ZFYVE9: variants seen among roughly 807,000 people sequenced by gnomAD.
The protein encoded by ZFYVE9 is zinc finger FYVE-type containing 9.
Under a neutral mutation model 126.7 loss-of-function variants are expected in ZFYVE9, and 43 were observed. The ratio of observed to expected loss-of-function variants is 0.34; its 90% CI spans 0.27 to 0.44. ZFYVE9 has a LOEUF of 0.44. Ranked by LOEUF, ZFYVE9 falls within the 20% of genes least tolerant of loss-of-function variation. ZFYVE9 has a pLI of 1.00. For synonymous variants in ZFYVE9, 521 were observed against 597.4 expected (o/e 0.87, Z 1.87); for missense variants, 1,476 against 1,697.0 (o/e 0.87, Z 2.29).
At position 52,237,685 on chromosome 1, in the gene ZFYVE9, A is replaced by C. The variant is rs1309331390; in HGVS notation, c.268A>C (p.Asn90His). ...LTTEEEDHCANGQDCNLNPEI... is the reference protein window; with the variant it reads ...LTTEEEDHCAHGQDCNLNPEI... Reference sequence around the variant, plus strand: ...CACAGAGGAAGAGGATCACTGTGCTAATGGACAGGACTGTAATCTAAATCC... The same window carrying C: ...CACAGAGGAAGAGGATCACTGTGCTCATGGACAGGACTGTAATCTAAATCC... The change falls in exon 4 of 19, where the codon AAT (asparagine) becomes CAT (histidine). Residue 90 changes from asparagine (N) to histidine (H), a missense_variant. Physicochemically the swap from Asn to His is moderately conservative, Grantham distance 68. This residue lies in a region of ZFYVE9 where 807 missense variants were observed against 794.6 expected (regional missense o/e 1.02). Coordinates refer to ENST00000287727, the MANE Select transcript of ZFYVE9 (RefSeq NM_004799.4). 6.2e-7 allele frequency: 1 copy of C among 1,614,102 alleles called. No homozygotes were observed. Among genetic ancestry groups the C allele is most frequent in the Non-Finnish European group, 8.5e-7 (1 of 1,179,960 alleles).
intron 2 of ZFYVE9, among the ~76,000 whole-genome samples, chr1:52,229,400 T>G (rs1156462893): frequency 6.6e-6 from 1 of 152,250 alleles, no homozygotes; most frequent in African/African-American, 2.4e-5. Flanking sequence ...CTATATCTCT[T>G]CATTGTAAAC....
intron 2 of ZFYVE9, among the ~76,000 whole-genome samples, chr1:52,219,516 G>A (rs1645103062): frequency 6.6e-6 from 1 of 151,908 alleles, no homozygotes; most frequent in Non-Finnish European, 1.5e-5. Context: ...GTTGGTTCAA[G>A]CTTTCCTTCT....
intron 8 of ZFYVE9, among the ~76,000 whole-genome samples, chr1:52,274,943 A>G (rs140860511): frequency 2.0e-5 from 3 of 152,296 alleles, no homozygotes; most frequent in Non-Finnish European, 2.9e-5. Flanking sequence ...TTGAGGTATA[A>G]TATACATTCA....
chr1:52,243,748 A>G (rs1454906417), intron 4 of ZFYVE9, among the ~76,000 whole-genome samples: 1 of 151,800 alleles, frequency 6.6e-6, no homozygotes. Flanking sequence ...GACAGAGCTG[A>G]GACCCCATCT....
intron 10 of ZFYVE9, among the ~76,000 whole-genome samples, chr1:52,288,313 A>G (rs1341721447): frequency 6.6e-6 from 1 of 152,172 alleles, no homozygotes. Flanking sequence ...TTTGTTTAAG[A>G]GATAGAAGTC....
At chr1:52,332,692 G>A (rs1646353225) in intron 13 of ZFYVE9, 76 bp from the exon 14 acceptor site, 1 of 1,515,254 alleles carries the variant, frequency 6.6e-7, no homozygotes, top group African/African-American at 1.4e-5. Flanking sequence ...TTTTGTTTTT[G>A]AGAAGATGGA....
intron 10 of ZFYVE9, among the ~76,000 whole-genome samples, chr1:52,290,556 T>C (rs1645909013): frequency 6.6e-6 from 1 of 152,164 alleles, no homozygotes; most frequent in South Asian, 2.1e-4. Context: ...AAATTATCTG[T>C]TGAATTTTGT....
chr1:52,342,920 T>C (rs1646451744), intron 17 of ZFYVE9, among the ~76,000 whole-genome samples: 1 of 151,678 alleles, frequency 6.6e-6, no homozygotes, highest in South Asian at 2.1e-4. Context: ...AATTTTTTTT[T>C]TTTTGAGACG....
At chr1:52,304,146 T>TTA (rs907571939) in intron 13 of ZFYVE9, among the ~76,000 whole-genome samples, 5 of 152,174 alleles carry the variant, frequency 3.3e-5, no homozygotes, top group African/African-American at 7.2e-5. Flanking sequence ...CCTTTTGATG[T>TTA]TATGATAATT....
chr1:52,263,763 C>CA lies in ZFYVE9; in HGVS notation c.2179-10_2179-9insA, dbSNP rs1553130217. The CA allele has an allele frequency of 2.0e-6, 2 of 995,190 alleles. No individual in the cohort carries two copies. Among genetic ancestry groups the CA allele is most frequent in the Non-Finnish European group, 2.9e-6 (2 of 699,640 alleles). The allele number at this position is 995,190 out of a possible 1,614,324, so 61.6% of individuals were successfully genotyped here. A position where few individuals can be genotyped will look rare whatever the true frequency, so the allele number is the denominator to read the frequency against. ...AATTTTGTGTGTTCTTCCCCCCCCC[C>CA]CCCCCACAGGTTTTCTGTGCTTCCT... On this transcript the variant is annotated splice_polypyrimidine_tract_variant and intron_variant, in intron 4 of 18. Transcript: ENST00000287727.
At chr1:52,283,348 A>G (rs1422007672) in intron 10 of ZFYVE9, among the ~76,000 whole-genome samples, 1 of 152,198 alleles carries the variant, frequency 6.6e-6, no homozygotes, top group Admixed American at 6.5e-5. Context: ...TCTGTAGGCA[A>G]TGAAGAACCA....
At chr1:52,168,515 C>T (rs61782509) in intron 1 of ZFYVE9, among the ~76,000 whole-genome samples, 3 of 147,348 alleles carry the variant, frequency 2.0e-5, no homozygotes, top group African/African-American at 7.6e-5. Flanking sequence ...CTGTGCTTGG[C>T]CTTTTTTTTT....
At position 52,332,916 on chromosome 1, in the gene ZFYVE9, A is replaced by G. The variant is rs890694842; in HGVS notation, c.3587A>G (p.Lys1196Arg). Residue 1196 changes from lysine (K) to arginine (R), a missense_variant and splice_region_variant, in exon 14 of 19, where the codon AAA (lysine) becomes AGA (arginine). Around this residue, in one of 2 missense-constraint regions of ZFYVE9, gnomAD observed 669 missense variants for 902.4 expected, o/e 0.74. Transcript: ENST00000287727. ...ATCAGTATTCACAATCAGCCCAGAA[A>G]AGGTGAGCATTTGAGCTGGTTGAGA... ...QAISIHNQPR[K>R]VTGASFFVFS... 6.2e-7 allele frequency: 1 copy of G among 1,614,074 alleles called. No homozygotes were observed. Among genetic ancestry groups the G allele is most frequent in the Admixed American group, 1.7e-5 (1 of 60,006 alleles).
At chr1:52,171,331 A>T (rs1644566974) in intron 1 of ZFYVE9, among the ~76,000 whole-genome samples, 1 of 152,206 alleles carries the variant, frequency 6.6e-6, no homozygotes, top group Non-Finnish European at 1.5e-5. Flanking sequence ...ACGTGAACTC[A>T]TCATTTTTTA....
intron 13 of ZFYVE9, among the ~76,000 whole-genome samples, chr1:52,321,657 G>T (rs539440379): frequency 6.6e-6 from 1 of 152,104 alleles, no homozygotes; most frequent in East Asian, 1.9e-4. Flanking sequence ...TGGACTTCTA[G>T]TCAAACTCCT....
intron 4 of ZFYVE9, among the ~76,000 whole-genome samples, chr1:52,250,502 GT>G (rs1322993824): frequency 2.0e-5 from 3 of 152,110 alleles, no homozygotes; most frequent in Admixed American, 6.6e-5. Flanking sequence ...AGCTCTAACA[GT>G]TTTTGTGTGT....
chr1:52,256,893 C>T (rs115927600), intron 4 of ZFYVE9, among the ~76,000 whole-genome samples: 255 of 152,290 alleles, frequency 1.7e-3, no homozygotes, highest in African/African-American at 5.4e-3. Context: ...CTGGTCAGTT[C>T]TATGCACTCT....
intron 4 of ZFYVE9, among the ~76,000 whole-genome samples, chr1:52,258,117 G>A (rs72895909): frequency 0.01 from 1,568 of 152,286 alleles, 25 homozygotes; most frequent in African/African-American, 0.036. Flanking sequence ...ACACAATATT[G>A]AAGATACCAG....
At chr1:52,220,870 T>C (rs1451251836) in intron 2 of ZFYVE9, among the ~76,000 whole-genome samples, 3 of 152,196 alleles carry the variant, frequency 2.0e-5, no homozygotes, top group Non-Finnish European at 2.9e-5. Context: ...AAGAGGCAGC[T>C]TGCTTAGCTG....
Sources: gnomAD v4.1 joint callset for allele counts (sites outside exome capture counted in the v4.1 genomes callset) on GRCh38, gnomAD v4.1.1 for gene constraint, gnomAD v4.1.1 regional missense constraint, MANE v1.5 for transcripts, NCBI Gene and HGNC (gene_info 2026-07-23, HGNC 2026-07-21) for gene names.